Variants in LOXHD1 observed in about 807,000 individuals in gnomAD.
LOXHD1 encodes lipoxygenase homology domain-containing protein 1.
A neutral mutation model predicts 248.2 loss-of-function variants in LOXHD1; 205 were observed. The observed-to-expected ratio is 0.83, with a 90% CI of 0.74 to 0.93. The LOEUF (loss-of-function observed/expected upper bound fraction) is 0.93. Ranked by LOEUF, LOXHD1 falls within the 40% of genes least tolerant of loss-of-function variation. LOXHD1 has a pLI of 0.00. For synonymous variants in LOXHD1, 1,113 were observed against 1,162.8 expected (o/e 0.96, Z 0.87); for missense variants, 2,930 against 2,971.6 (o/e 0.99, Z 0.33).
chr18:46,560,347 T>C lies in LOXHD1; in HGVS notation c.2797A>G (p.Lys933Glu). 1 of 1,552,404 alleles carries C rather than the reference T, an allele frequency of 6.4e-7. No homozygotes were observed. The highest frequency in any genetic ancestry group is 8.7e-7 in the Non-Finnish European group (1 of 1,147,590). Residue 933 changes from lysine (K) to glutamate (E), a missense_variant, in exon 19 of 41, where the codon AAG (lysine) becomes GAG (glutamate). Lys to Glu is a moderately conservative substitution (Grantham distance 56). Coordinates refer to ENST00000642948, the MANE Select transcript of LOXHD1 (RefSeq NM_001384474.1). ...LRQLLKKERLKAKLQRKKKKR... is the reference protein window; with the variant it reads ...LRQLLKKERLEAKLQRKKKKR... ...TTCTTCTTCCTCTGCAGCTTGGCCT[T>C]CAGCCGCTCCTTCTTGAGCAGCTGC...
chr18:46,569,422 G>C lies in LOXHD1; in HGVS notation c.2244+20C>G, dbSNP rs2037707902. Reference sequence around the variant, plus strand: ...GAAATGGGTGGGATGATGTCACATGGTCTTGGGAAGGAGACTTACATTTCC... The same window carrying C: ...GAAATGGGTGGGATGATGTCACATGCTCTTGGGAAGGAGACTTACATTTCC... On this transcript the variant is annotated intron_variant, in intron 16 of 40. Coordinates refer to ENST00000642948, the MANE Select transcript of LOXHD1 (RefSeq NM_001384474.1). 6.5e-7 allele frequency: 1 copy of C among 1,548,442 alleles called. No individual in the cohort carries two copies. Among genetic ancestry groups the C allele is most frequent in the Non-Finnish European group, 8.7e-7 (1 of 1,144,294 alleles).
intron 7 of LOXHD1, among the ~76,000 whole-genome samples, chr18:46,603,757 A>G (rs1380957898): frequency 6.6e-6 from 1 of 152,212 alleles, no homozygotes; most frequent in Non-Finnish European, 1.5e-5. Context: ...GTACCTACCT[A>G]GAAGGCCTGG....
intron 29 of LOXHD1, among the ~76,000 whole-genome samples, chr18:46,525,399 G>A (rs912719084): frequency 3.3e-5 from 5 of 152,142 alleles, no homozygotes; most frequent in Admixed American, 3.3e-4. Context: ...GAGAGATGCT[G>A]AGAGGGAGTT....
chr18:46,516,183 C>A (rs945521355), intron 34 of LOXHD1, among the ~76,000 whole-genome samples: 8 of 152,154 alleles, frequency 5.3e-5, no homozygotes, highest in Admixed American at 3.9e-4. Flanking sequence ...TGCTGTATAA[C>A]CTTGGGCAAG....
chr18:46,485,269 G>A, intron 38 of LOXHD1, 118 bp from the exon 39 acceptor site: 3 of 1,183,122 alleles, frequency 2.5e-6, no homozygotes, highest in East Asian at 2.6e-5. Context: ...CAGCCTGGGG[G>A]TGGGGGAGGC....
At chr18:46,584,514 C>T (rs868241153) in intron 12 of LOXHD1, among the ~76,000 whole-genome samples, 2 of 151,960 alleles carry the variant, frequency 1.3e-5, no homozygotes, top group Middle Eastern at 3.4e-3. Context: ...CATACAATTA[C>T]AATATGTCCA....
At chr18:46,608,072 A>AAGGAAG (rs1196913373) in intron 6 of LOXHD1, among the ~76,000 whole-genome samples, 28 of 39,052 alleles carry the variant, frequency 7.2e-4, no homozygotes, top group South Asian at 3.5e-3. Context: ...AAGGAAGGAA[A>AAGGAAG]GAAGGAAGGG....
chr18:46,495,075 C>T (rs558759042), intron 37 of LOXHD1, among the ~76,000 whole-genome samples: 4 of 152,126 alleles, frequency 2.6e-5, no homozygotes, highest in Admixed American at 2.6e-4. Flanking sequence ...ACCGTGGTCT[C>T]GATCTCCTGA....
Position 46,526,935 on chromosome 18 carries a change from T to G in LOXHD1, c.4531-2018A>C, listed in dbSNP as rs571404926. 1.2e-4 allele frequency among the ~76,000 whole-genome samples: 18 copies of G among 152,298 alleles called. No homozygotes were observed. The South Asian group carries it at 3.7e-3, about 32-fold the overall frequency. On this transcript the variant is annotated intron_variant, in intron 29 of 40. Transcript: ENST00000642948. ...CAGGGAGAGGGGTGTCCAAGATGAC[T>G]TCCATATTCTGGAGTGATCAGAGAA...
intron 6 of LOXHD1, among the ~76,000 whole-genome samples, chr18:46,608,142 G>T (rs1421762516): frequency 6.6e-6 from 1 of 151,494 alleles, no homozygotes; most frequent in Non-Finnish European, 1.5e-5. Context: ...CAAGACTTTT[G>T]AATTAATATA....
At chr18:46,647,619 T>G (rs757514135) in intron 2 of LOXHD1, among the ~76,000 whole-genome samples, 7 of 152,206 alleles carry the variant, frequency 4.6e-5, no homozygotes, top group Admixed American at 1.3e-4. Context: ...GAAAGACTTC[T>G]GCAAGCGAGT....
At chr18:46,564,982 G>A (rs1266389787) in intron 17 of LOXHD1, among the ~76,000 whole-genome samples, 7 of 152,164 alleles carry the variant, frequency 4.6e-5, no homozygotes, top group Admixed American at 4.6e-4. Flanking sequence ...GCAGAGGTGA[G>A]GCCAGTCGTA....
At chr18:46,522,809 C>G (rs532700256) in intron 31 of LOXHD1, among the ~76,000 whole-genome samples, 13 of 152,316 alleles carry the variant, frequency 8.5e-5, no homozygotes, top group African/African-American at 2.6e-4. Context: ...CCAAAACACA[C>G]CAGATTAATC....
chr18:46,604,069 A>T, intron 7 of LOXHD1, 37 bp downstream of exon 7: 1 of 1,551,036 alleles, frequency 6.4e-7, no homozygotes, highest in Non-Finnish European at 8.7e-7. Context: ...GCAGAAAGTG[A>T]AATACCCAAA....
intron 23 of LOXHD1, 130 bp from the exon 24 acceptor site, chr18:46,542,985 T>A: frequency 7.8e-7 from 1 of 1,285,616 alleles, no homozygotes; most frequent in Non-Finnish European, 1.1e-6. Context: ...ACTGTGCAAT[T>A]ATCATCCATT....
At chr18:46,549,656 C>T (rs2037000853) in intron 21 of LOXHD1, among the ~76,000 whole-genome samples, 1 of 152,158 alleles carries the variant, frequency 6.6e-6, no homozygotes, top group Admixed American at 6.5e-5. Context: ...TGGGAGATTC[C>T]AGAGGACAAC....
intron 21 of LOXHD1, chr18:46,555,484 G>A (rs1044994628): frequency 9.5e-6 from 2 of 211,594 alleles, no homozygotes; most frequent in African/African-American, 4.5e-5. Context: ...GGCTGGTAGG[G>A]GAGGGTGGGG....
intron 1 of LOXHD1, 128 bp from the exon 2 acceptor site, chr18:46,649,397 C>T: frequency 1.4e-6 from 1 of 709,984 alleles, no homozygotes; most frequent in Non-Finnish European, 2.4e-6. Flanking sequence ...CTGCTGCATC[C>T]TGTAGGCCTC....
intron 25 of LOXHD1, among the ~76,000 whole-genome samples, chr18:46,539,611 G>T (rs1440073007): frequency 1.3e-5 from 2 of 152,126 alleles, no homozygotes; most frequent in Admixed American, 6.5e-5. Context: ...TCATTAGCAG[G>T]TTGTGAAATG....
Sources: allele counts gnomAD v4.1 joint callset (sites outside exome capture counted in the v4.1 genomes callset), GRCh38; gene constraint gnomAD v4.1.1; transcripts MANE v1.5; gene names NCBI Gene and HGNC (gene_info 2026-07-23, HGNC 2026-07-21).